NEGR1: variants seen among roughly 807,000 people sequenced by gnomAD.
NEGR1 encodes neuronal growth regulator 1.
NEGR1 carries 10 observed loss-of-function variants against 40.9 expected under a neutral mutation model. The ratio of observed to expected loss-of-function variants is 0.24; its 90% CI spans 0.15 to 0.42. The LOEUF (loss-of-function observed/expected upper bound fraction) is 0.42. NEGR1 is among the 10% of genes least tolerant of loss of function. The pLI, the probability that NEGR1 is intolerant of heterozygous loss-of-function variation, is 1.00. For missense variants in NEGR1, 352 were observed against 438.9 expected, an observed-to-expected ratio of 0.80 and a Z score of 1.77; for synonymous variants, 185 against 166.8, an observed-to-expected ratio of 1.11 and a Z score of -0.84.
intron 1 of NEGR1, among the ~76,000 whole-genome samples, chr1:71,955,760 A>G (rs970318424): frequency 6.6e-6 from 1 of 152,132 alleles, no homozygotes; most frequent in Non-Finnish European, 1.5e-5. Flanking sequence ...CAGCAGTGAC[A>G]CTGACCAGGA....
chr1:72,166,126 A>G (rs536741984), intron 1 of NEGR1, among the ~76,000 whole-genome samples: 20 of 152,132 alleles, frequency 1.3e-4, no homozygotes, highest in African/African-American at 4.6e-4. Flanking sequence ...CTCAAAATAT[A>G]TACCTTTTTT....
chr1:71,418,619 C>T (rs1173404519), intron 6 of NEGR1, among the ~76,000 whole-genome samples: 1 of 152,126 alleles, frequency 6.6e-6, no homozygotes, highest in African/African-American at 2.4e-5. Context: ...ATTCTCCCTC[C>T]TCTATCTGAC....
intron 2 of NEGR1, among the ~76,000 whole-genome samples, chr1:71,924,165 T>C (rs186691355): frequency 5.9e-5 from 9 of 152,294 alleles, no homozygotes; most frequent in Admixed American, 5.9e-4. Context: ...GCTAGCCCTG[T>C]CTTAAAATCA....
chr1:72,216,374 T>TATATATATACATATATATATATATATAC, intron 1 of NEGR1, among the ~76,000 whole-genome samples: 1 of 103,082 alleles, frequency 9.7e-6, no homozygotes, highest in East Asian at 2.1e-4. Flanking sequence ...TTGGAAGTTA[T>TATATATATACATATATATATATATATAC]ATATATATAC....
At chr1:71,592,627 A>G (rs946639270) in intron 6 of NEGR1, among the ~76,000 whole-genome samples, 190 bp downstream of exon 6, 1 of 152,210 alleles carries the variant, frequency 6.6e-6, no homozygotes, top group Non-Finnish European at 1.5e-5. Flanking sequence ...TACAGGGATT[A>G]TAAAATCCTT....
At chr1:71,577,263 T>G (rs182256223) in intron 6 of NEGR1, among the ~76,000 whole-genome samples, 1 of 152,328 alleles carries the variant, frequency 6.6e-6, no homozygotes, top group East Asian at 1.9e-4. Flanking sequence ...TGAAATAAAA[T>G]GTAGATGAAA....
chr1:71,591,525 A>G (rs1649499824), intron 6 of NEGR1, among the ~76,000 whole-genome samples: 2 of 152,182 alleles, frequency 1.3e-5, no homozygotes, highest in South Asian at 4.1e-4. Context: ...TTAAAATATT[A>G]ATAATATACC....
chr1:72,237,315 C>A (rs1278503193), intron 1 of NEGR1, among the ~76,000 whole-genome samples: 1 of 151,918 alleles, frequency 6.6e-6, no homozygotes, highest in Non-Finnish European at 1.5e-5. Flanking sequence ...TATTTTAAAT[C>A]AAAACTAATT....
At position 71,949,784 on chromosome 1, in the gene NEGR1, T is replaced by C. The variant is rs192179472; in HGVS notation, c.177-14473A>G. 2.6e-5 allele frequency among the ~76,000 whole-genome samples: 4 copies of C among 152,248 alleles called. No individual in the cohort carries two copies. The East Asian group carries it at 7.7e-4, about 29-fold the overall frequency. On this transcript the variant is annotated intron_variant, in intron 1 of 6. Coordinates refer to ENST00000357731, the MANE Select transcript of NEGR1 (RefSeq NM_173808.3). ...TGCCCACTGTCTAGAGAGTCTCCTT[T>C]TATCTTCTTGTTCATTTTACTTTAA...
chr1:71,823,025 C>T (rs1409615561), intron 2 of NEGR1, among the ~76,000 whole-genome samples: 3 of 151,960 alleles, frequency 2.0e-5, no homozygotes, highest in Non-Finnish European at 4.4e-5. Context: ...TATGGTGCTG[C>T]GTCCCTGTTA....
intron 2 of NEGR1, among the ~76,000 whole-genome samples, chr1:71,777,016 G>T (rs1299857464): frequency 6.6e-6 from 1 of 152,046 alleles, no homozygotes. Context: ...ATATTGTATT[G>T]CATTTTCTCT....
rs112736400 is a variant in NEGR1, at chr1:71,806,764, C to T, written c.410-30467G>A. Among the ~76,000 whole-genome samples, 134 of 152,020 alleles carry T rather than the reference C, an allele frequency of 8.8e-4. 1 individual carries two copies. The South Asian group carries it at 0.024, about 27-fold the overall frequency. The stretch of plus-strand genomic sequence containing the variant: ...ATCTCCCCAAGTGTTGAAACCAGTA[C>T]GTGTCAGATAAGGCCTCAGACTTAT... On this transcript the variant is annotated intron_variant, in intron 2 of 6. Transcript: ENST00000357731.
intron 2 of NEGR1, among the ~76,000 whole-genome samples, chr1:71,888,111 C>T (rs1450097964): frequency 6.6e-6 from 1 of 152,110 alleles, no homozygotes; most frequent in Admixed American, 6.5e-5. Context: ...ACTTGCCACT[C>T]TCCCATAGTA....
At chr1:72,258,397 T>A (rs1443640159) in intron 1 of NEGR1, among the ~76,000 whole-genome samples, 1 of 152,166 alleles carries the variant, frequency 6.6e-6, no homozygotes, top group East Asian at 1.9e-4. Context: ...TGAGTGATCA[T>A]TCAGTAAACC....
At chr1:72,276,993 A>G (rs1005534576) in intron 1 of NEGR1, among the ~76,000 whole-genome samples, 12 of 152,272 alleles carry the variant, frequency 7.9e-5, no homozygotes, top group African/African-American at 2.9e-4. Context: ...AAAGAGAAAC[A>G]CAGGAGCTAG....
At chr1:71,732,635 G>GA (rs1654920826) in intron 3 of NEGR1, among the ~76,000 whole-genome samples, 1 of 151,972 alleles carries the variant, frequency 6.6e-6, no homozygotes, top group Admixed American at 6.6e-5. Flanking sequence ...GCTTTTAGAA[G>GA]AAAAAATCAA....
intron 6 of NEGR1, among the ~76,000 whole-genome samples, chr1:71,505,517 G>A (rs1414950972): frequency 6.6e-6 from 1 of 152,130 alleles, no homozygotes; most frequent in Admixed American, 6.5e-5. Context: ...TCCTGACCTC[G>A]TGATCCACCA....
intron 2 of NEGR1, among the ~76,000 whole-genome samples, chr1:71,878,871 G>C (rs756597176): frequency 3.3e-5 from 5 of 152,112 alleles, no homozygotes; most frequent in Non-Finnish European, 7.4e-5. Context: ...ATAAATAACT[G>C]TTCCCAGATT....
chr1:72,275,105 G>A (rs1014137716), intron 1 of NEGR1: 1 of 848,222 alleles, frequency 1.2e-6, no homozygotes, highest in Non-Finnish European at 2.1e-6. Flanking sequence ...AAAGACTTGG[G>A]AACAGAAAGC....
Sources: allele counts gnomAD v4.1 joint callset (sites outside exome capture counted in the v4.1 genomes callset), GRCh38; gene constraint gnomAD v4.1.1; transcripts MANE v1.5; gene names NCBI Gene and HGNC (gene_info 2026-07-23, HGNC 2026-07-21).